Variants in NTNG1 observed in about 807,000 individuals in gnomAD.
NTNG1 encodes netrin G1.
Under a neutral mutation model 54.0 loss-of-function variants are expected in NTNG1, and 16 were observed. The observed-to-expected ratio is 0.30, with a 90% CI of 0.20 to 0.45. NTNG1 has a LOEUF of 0.45. NTNG1 is among the 20% of genes least tolerant of loss of function. The pLI is 1.00. For missense variants in NTNG1, 530 were observed against 678.7 expected (o/e 0.78, Z 2.43); for synonymous variants, 255 against 263.1 (o/e 0.97, Z 0.30).
chr1:107,428,687 A>G (rs954897485), intron 5 of NTNG1, among the ~76,000 whole-genome samples: 2 of 152,042 alleles, frequency 1.3e-5, no homozygotes, highest in Non-Finnish European at 1.5e-5. Flanking sequence ...CCTTCCTTCA[A>G]CCACTGCTCT....
At chr1:107,236,113 A>C (rs1661396511) in intron 2 of NTNG1, among the ~76,000 whole-genome samples, 2 of 152,166 alleles carry the variant, frequency 1.3e-5, no homozygotes, top group African/African-American at 4.8e-5. Flanking sequence ...ATCATGTTCA[A>C]TCTGCAGAAA....
rs560783646 is a variant in NTNG1, at chr1:107,402,222, G to C, written c.1061-5460G>C. 1.1e-4 allele frequency among the ~76,000 whole-genome samples: 17 copies of C among 152,218 alleles called. No homozygotes were observed. In the South Asian group the frequency reaches 3.5e-3, roughly 32 times the overall value. On this transcript the variant is annotated intron_variant, in intron 4 of 7. Transcript: ENST00000370068. ...CCAGATAATAATCAGGAGGTTGCTT[G>C]GTGAGCATGGGATCAGGAAATTTGA... is the stretch of plus-strand genomic sequence containing the variant.
At chr1:107,314,952 A>G (rs548873434) in intron 2 of NTNG1, among the ~76,000 whole-genome samples, 1 of 152,364 alleles carries the variant, frequency 6.6e-6, no homozygotes, top group East Asian at 1.9e-4. Context: ...CATTTAGAAG[A>G]GTGTTGAACA....
At chr1:107,318,162 T>C (rs1413108173) in intron 2 of NTNG1, among the ~76,000 whole-genome samples, 1 of 152,060 alleles carries the variant, frequency 6.6e-6, no homozygotes, top group Non-Finnish European at 1.5e-5. Context: ...AATTCACAAG[T>C]TTTAAATTGT....
intron 2 of NTNG1, among the ~76,000 whole-genome samples, chr1:107,235,753 G>A (rs955616338): frequency 1.3e-5 from 2 of 152,178 alleles, no homozygotes; most frequent in Non-Finnish European, 2.9e-5. Context: ...ATAGGACATA[G>A]GGGTCAGATC....
At chr1:107,215,845 G>C (rs1462681919) in intron 2 of NTNG1, among the ~76,000 whole-genome samples, 1 of 151,138 alleles carries the variant, frequency 6.6e-6, no homozygotes, top group African/African-American at 2.4e-5. Context: ...TTTTTTTGTA[G>C]AGGTCTTTTT....
At chr1:107,404,380 A>C (rs1048396098) in intron 4 of NTNG1, among the ~76,000 whole-genome samples, 1 of 152,128 alleles carries the variant, frequency 6.6e-6, no homozygotes, top group African/African-American at 2.4e-5. Context: ...GAATTTGTAC[A>C]TTGCCTAACT....
chr1:107,450,973 C>T (rs1222298142), intron 7 of NTNG1, among the ~76,000 whole-genome samples: 1 of 152,106 alleles, frequency 6.6e-6, no homozygotes, highest in East Asian at 1.9e-4. Context: ...AGTCACAATT[C>T]ATAGAGTCAC....
chr1:107,349,348 A>T (rs949715725), intron 3 of NTNG1, among the ~76,000 whole-genome samples: 8 of 152,094 alleles, frequency 5.3e-5, no homozygotes, highest in African/African-American at 1.4e-4. Context: ...TTTATTTTAA[A>T]TTTTTTTTCT....
chr1:107,462,388 C>G (rs976204712), intron 7 of NTNG1, among the ~76,000 whole-genome samples: 2 of 152,212 alleles, frequency 1.3e-5, no homozygotes, highest in East Asian at 3.9e-4. Context: ...TTACCCTCCT[C>G]AAGTCTTGGT....
intron 2 of NTNG1, among the ~76,000 whole-genome samples, chr1:107,216,983 C>T (rs1660008555): frequency 6.6e-6 from 1 of 152,134 alleles, no homozygotes; most frequent in Non-Finnish European, 1.5e-5. Flanking sequence ...AGCAGATTCC[C>T]TCTTTCTCTA....
intron 2 of NTNG1, among the ~76,000 whole-genome samples, chr1:107,204,065 CTG>C (rs56941864): frequency 0.045 from 6,784 of 151,862 alleles, 155 homozygotes; most frequent in Non-Finnish European, 0.052. Flanking sequence ...TATTGCTTCT[CTG>C]TATCTTTTTG....
At chr1:107,191,185 G>C (rs1253607854) in intron 2 of NTNG1, among the ~76,000 whole-genome samples, 1 of 152,154 alleles carries the variant, frequency 6.6e-6, no homozygotes, top group African/African-American at 2.4e-5. Flanking sequence ...CAGTGATGAT[G>C]AGCATTTTTT....
intron 5 of NTNG1, among the ~76,000 whole-genome samples, chr1:107,414,697 A>T (rs968671063): frequency 6.6e-6 from 1 of 152,292 alleles, no homozygotes; most frequent in South Asian, 2.1e-4. Flanking sequence ...TATTTACAAC[A>T]GCAACCGCAA....
At position 107,423,571 on chromosome 1, in the gene NTNG1, A is replaced by G. The variant is rs114952410; in HGVS notation, c.1088-7179A>G. On this transcript the variant is annotated intron_variant, in intron 5 of 7. Transcript: ENST00000370068. ...AGTTCTCAATAAATATGTGTTGCCAATGGTTGCCATGCCACATTGTGTATA... is the reference window on the plus strand; with the variant it reads ...AGTTCTCAATAAATATGTGTTGCCAGTGGTTGCCATGCCACATTGTGTATA... 4.1e-3 allele frequency among the ~76,000 whole-genome samples: 627 copies of G among 152,258 alleles called. 3 individuals carry two copies. The highest frequency in any genetic ancestry group is 0.01 in the Middle Eastern group (3 of 294).
At chr1:107,358,059 T>C (rs1670046335) in intron 3 of NTNG1, among the ~76,000 whole-genome samples, 1 of 152,286 alleles carries the variant, frequency 6.6e-6, no homozygotes, top group South Asian at 2.1e-4. Flanking sequence ...TTGAAAGATA[T>C]CAAATTAAAA....
At chr1:107,448,783 A>G (rs1676448442) in intron 7 of NTNG1, among the ~76,000 whole-genome samples, 1 of 152,062 alleles carries the variant, frequency 6.6e-6, no homozygotes, top group Non-Finnish European at 1.5e-5. Flanking sequence ...TATGTATTCT[A>G]CGAATCCAAA....
At chr1:107,326,731 C>A (rs1297403091) in intron 3 of NTNG1, among the ~76,000 whole-genome samples, 1 of 152,018 alleles carries the variant, frequency 6.6e-6, no homozygotes, top group African/African-American at 2.4e-5. Flanking sequence ...CTCCACCTCC[C>A]CATATACCTT....
At chr1:107,469,182 A>G (rs933897626) in intron 7 of NTNG1, among the ~76,000 whole-genome samples, 10 of 151,264 alleles carry the variant, frequency 6.6e-5, no homozygotes, top group Middle Eastern at 3.4e-3. Flanking sequence ...CCTCTCTTCC[A>G]TCTTTTCCCC....
Sources: gnomAD v4.1 joint callset for allele counts (sites outside exome capture counted in the v4.1 genomes callset) on GRCh38, gnomAD v4.1.1 for gene constraint, MANE v1.5 for transcripts, NCBI Gene and HGNC (gene_info 2026-07-23, HGNC 2026-07-21) for gene names.